The following ERICH1 variants were observed in gnomAD, a reference collection of about 807,000 sequenced individuals.
ERICH1 encodes the protein glutamate-rich protein 1.
Under a neutral mutation model 39.6 loss-of-function variants are expected in ERICH1, and 56 were observed. The ratio of observed to expected loss-of-function variants is 1.41; its 90% CI spans 1.14 to 1.77. The LOEUF (loss-of-function observed/expected upper bound fraction) is 1.77, where lower values mean the gene tolerates loss of function less well. Among genes scored for constraint, ERICH1 ranks in the 40% most tolerant of loss-of-function variants. ERICH1 has a pLI of 0.00. For synonymous variants in ERICH1, 313 were observed against 223.6 expected (o/e 1.40, Z -3.57); for missense variants, 826 against 575.4 (o/e 1.44, Z -4.45).
intron 2 of ERICH1, among the ~76,000 whole-genome samples, chr8:701,834 G>A (rs984316522): frequency 1.3e-5 from 2 of 152,132 alleles, no homozygotes; most frequent in Non-Finnish European, 2.9e-5. Flanking sequence ...GCTCACGCAT[G>A]TAATCCCAGC....
chr8:636,322 G>C (rs1309539020), intron 3 of ERICH1, among the ~76,000 whole-genome samples: 2 of 152,238 alleles, frequency 1.3e-5, no homozygotes, highest in African/African-American at 2.4e-5. Flanking sequence ...GCCACAACCA[G>C]GGAGCCAAGG....
intron 2 of ERICH1, among the ~76,000 whole-genome samples, chr8:707,202 TTG>T (rs1330599442): frequency 1.8e-5 from 2 of 112,442 alleles, no homozygotes; most frequent in South Asian, 3.4e-4. Flanking sequence ...CTGATTTTTT[TTG>T]TTTCTTTTTT....
chr8:616,628 C>A (rs769221434), intron 3 of ERICH1: 4 of 451,330 alleles, frequency 8.9e-6, no homozygotes, highest in Admixed American at 2.4e-5. Context: ...GAGAGGGAGG[C>A]AGAGACAGAG....
intron 3 of ERICH1, among the ~76,000 whole-genome samples, chr8:616,736 G>A (rs115563518): frequency 0.013 from 1,908 of 141,898 alleles, 39 homozygotes; most frequent in African/African-American, 0.049. Context: ...AGATAGGGAA[G>A]CGGGAGAGAG....
At chr8:635,339 G>C (rs1004108956) in intron 3 of ERICH1, among the ~76,000 whole-genome samples, 3 of 152,284 alleles carry the variant, frequency 2.0e-5, no homozygotes, top group East Asian at 1.9e-4. Context: ...CGGGTATAAC[G>C]GATAAACGCC....
chr8:697,208 TG>T (rs1285760550), intron 2 of ERICH1, among the ~76,000 whole-genome samples: 3 of 152,188 alleles, frequency 2.0e-5, no homozygotes, highest in Non-Finnish European at 4.4e-5. Context: ...TGGCCTGTCT[TG>T]GTGCTGAGGC....
At chr8:711,501 C>A (rs1256276712) in intron 2 of ERICH1, among the ~76,000 whole-genome samples, 1 of 142,208 alleles carries the variant, frequency 7.0e-6, no homozygotes. Flanking sequence ...GGTGTAAGAT[C>A]TTTTTTTTTT....
chr8:674,871 G>T (rs1161237284), intron 3 of ERICH1, among the ~76,000 whole-genome samples: 3 of 152,326 alleles, frequency 2.0e-5, no homozygotes, highest in East Asian at 3.9e-4. Context: ...GCTGGTAAAT[G>T]GCTAATAACC....
chr8:709,339 G>C (rs1429780829), intron 2 of ERICH1, among the ~76,000 whole-genome samples: 1 of 152,174 alleles, frequency 6.6e-6, no homozygotes, highest in South Asian at 2.1e-4. Context: ...GTCACCGAGG[G>C]AACCGAAGCA....
chr8:708,314 C>T (rs552491309), intron 2 of ERICH1, among the ~76,000 whole-genome samples: 7 of 152,280 alleles, frequency 4.6e-5, no homozygotes, highest in African/African-American at 1.2e-4. Context: ...CGAAAACATA[C>T]GTCCACACCA....
At chr8:627,560 T>A (rs921362145) in intron 3 of ERICH1, among the ~76,000 whole-genome samples, 1 of 152,164 alleles carries the variant, frequency 6.6e-6, no homozygotes, top group Non-Finnish European at 1.5e-5. Flanking sequence ...CCCAGAACCA[T>A]GTGGCCAGGG....
At chr8:699,617 C>T (rs1811223863) in intron 2 of ERICH1, among the ~76,000 whole-genome samples, 1 of 152,168 alleles carries the variant, frequency 6.6e-6, no homozygotes, top group Non-Finnish European at 1.5e-5. Flanking sequence ...TAAACAAGCT[C>T]CAGCATCCAA....
At chr8:722,057 C>A (rs550442843) in intron 1 of ERICH1, among the ~76,000 whole-genome samples, 3 of 152,126 alleles carry the variant, frequency 2.0e-5, no homozygotes, top group Non-Finnish European at 4.4e-5. Context: ...GCAGTCACGA[C>A]GACTCCGTGT....
intron 2 of ERICH1, among the ~76,000 whole-genome samples, chr8:707,410 G>A (rs771106197): frequency 7.2e-5 from 11 of 151,980 alleles, no homozygotes; most frequent in Non-Finnish European, 1.2e-4. Context: ...GTTTCACCAC[G>A]TTGGCCAGGC....
chr8:628,273 G>A (rs1037689642), intron 3 of ERICH1, among the ~76,000 whole-genome samples: 6 of 152,244 alleles, frequency 3.9e-5, no homozygotes, highest in Admixed American at 6.5e-5. Context: ...CAGGGCCCCT[G>A]TGTCAGCTCA....
intron 1 of ERICH1, chr8:725,905 G>C (rs1276277526): frequency 6.6e-6 from 1 of 152,336 alleles, no homozygotes; most frequent in South Asian, 2.1e-4. Flanking sequence ...AAGCGCTCCT[G>C]AGCACGTTGT....
At chr8:645,612 GTCAGGAAGGCCTCCGTGGTA>G (rs1799443820) in intron 3 of ERICH1, among the ~76,000 whole-genome samples, 1 of 67,958 alleles carries the variant, frequency 1.5e-5, no homozygotes, top group African/African-American at 3.7e-5. Context: ...TGACCATGCT[GTCAGGAAGGCCTCCGTGGTA>G]TCAGGGAGGC....
chr8:674,555 C>G (rs1669736), intron 3 of ERICH1, among the ~76,000 whole-genome samples: 2,170 of 152,282 alleles, frequency 0.014, 53 homozygotes, highest in African/African-American at 0.049. Flanking sequence ...CCACCTGCCT[C>G]GGGCTCCCAA....
chr8:668,113 C>A (rs1459834599), intron 5 of ERICH1: 4 of 206,102 alleles, frequency 1.9e-5, no homozygotes, highest in African/African-American at 9.4e-5. Flanking sequence ...TGTGTCACCG[C>A]ACACGGCATT....
Sources: allele counts gnomAD v4.1 joint callset (sites outside exome capture counted in the v4.1 genomes callset), GRCh38; gene constraint gnomAD v4.1.1; transcripts MANE v1.5; gene names NCBI Gene and HGNC (gene_info 2026-07-23, HGNC 2026-07-21).